MRPL52: variants seen among roughly 807,000 people sequenced by gnomAD.
MRPL52 encodes mitochondrial ribosomal protein L52, also known as large ribosomal subunit protein mL52.
Under a neutral mutation model 22.1 loss-of-function variants are expected in MRPL52, and 19 were observed. The observed-to-expected ratio is 0.86, with a 90% confidence interval of 0.60 to 1.26. The LOEUF is 1.26. MRPL52 is among the 50% of genes most tolerant of loss of function. The probability of loss-of-function intolerance (pLI) is 0.00; values close to 1 mark genes in which losing one functional copy is unlikely to be tolerated. For missense variants in MRPL52, 152 were observed against 148.1 expected, an observed-to-expected ratio of 1.03 and a Z score of -0.14; for synonymous variants, 50 against 57.5, an observed-to-expected ratio of 0.87 and a Z score of 0.59.
intron 4 of MRPL52, among the ~76,000 whole-genome samples, chr14:22,833,887 C>T (rs1044012629): frequency 6.6e-6 from 1 of 152,200 alleles, no homozygotes; most frequent in Non-Finnish European, 1.5e-5. Context: ...TCCCAAAGTG[C>T]TGGGATTACA....
intron 1 of MRPL52, 34 bp from the exon 2 acceptor site, chr14:22,830,019 C>T: frequency 1.2e-6 from 2 of 1,613,682 alleles, no homozygotes; most frequent in Non-Finnish European, 1.7e-6. Flanking sequence ...GGCTGCGCGG[C>T]CTCTCCCCCA....
chr14:22,830,774 A>G, intron 3 of MRPL52: 1 of 524,168 alleles, frequency 1.9e-6, no homozygotes, highest in Non-Finnish European at 3.4e-6. Flanking sequence ...GGAGAACCTT[A>G]GAGAAGTTGA....
At chr14:22,832,749 C>T (rs1164297978) in intron 3 of MRPL52, among the ~76,000 whole-genome samples, 4 of 151,978 alleles carry the variant, frequency 2.6e-5, no homozygotes, top group Admixed American at 6.6e-5. Flanking sequence ...TGTGGTGGTG[C>T]GCACCTGTAA....
Position 22,834,383 on chromosome 14 carries a change from C to G in MRPL52, c.*62C>G. ...GGATTTCTTTTCTATCACCTAGATG[C>G]TTCATCCAGCCAGAAGATAGCCTTC... On this transcript the variant is annotated 3_prime_UTR_variant, in exon 5 of 5. Transcript: ENST00000397496. 1 of 1,518,728 alleles carries G rather than the reference C, an allele frequency of 6.6e-7. No individual in the cohort carries two copies. The highest frequency in any genetic ancestry group is 8.8e-7 in the Non-Finnish European group (1 of 1,130,576). The allele number at this position is 1,518,728 out of a possible 1,614,324, so 94.1% of individuals were successfully genotyped here. A position where few individuals can be genotyped will look rare whatever the true frequency, so the allele number is the denominator to read the frequency against.
At position 22,829,922 on chromosome 14, in the gene MRPL52, T is replaced by G. The variant is rs765549282; in HGVS notation, c.10T>G (p.Leu4Val). 3 of 1,584,208 alleles carry G rather than the reference T, an allele frequency of 1.9e-6. No individual in the cohort carries two copies. Among genetic ancestry groups the G allele is most frequent in the Non-Finnish European group, 1.7e-6 (2 of 1,164,334 alleles). The change falls in exon 1 of 5, where the codon TTA becomes GTA. Residue 4 changes from leucine to valine, a missense_variant. Leu to Val is a conservative substitution (Grantham distance 32). Coordinates refer to ENST00000397496, the MANE Select transcript of MRPL52 (RefSeq NM_180982.3). MAA[L>V]GTVLFSVRRL... ...GCTACTCCTGCTCAGCATGGCTGCT[T>G]TAGGGACTGTTCTCTTCAGTGAGTG...
chr14:22,830,997 CTG>C, intron 3 of MRPL52: 1 of 1,529,790 alleles, frequency 6.5e-7, no homozygotes, highest in South Asian at 1.2e-5. Flanking sequence ...TAATTGGTGA[CTG>C]AGGAAGATGG....
At chr14:22,832,342 T>G (rs1241052560) in intron 3 of MRPL52, among the ~76,000 whole-genome samples, 2 of 152,004 alleles carry the variant, frequency 1.3e-5, no homozygotes, top group East Asian at 3.9e-4. Context: ...TGGTTTTTTT[T>G]GTTTTTTGTT....
rs36143447 is a variant in MRPL52 at position 22,831,106 on chromosome 14, CTTTTTTTT to C, written c.154+869_154+876del. The C allele has an allele frequency of 7.8e-5, 13 of 167,616 alleles. No homozygotes were observed. The East Asian group carries it at 8.5e-4, about 11-fold the overall frequency. The allele number at this position is 167,616 out of a possible 1,614,324, so 10.4% of individuals were successfully genotyped here. A position where few individuals can be genotyped will look rare whatever the true frequency, so the allele number is the denominator to read the frequency against. ...AAGACTCTGGAATTACATATGACTG[CTTTTTTTT>C]TTTTTTTTTTTTTTTTGAGATGGGG... On this transcript the variant is annotated intron_variant, in intron 3 of 4. Transcript: ENST00000397496.
Position 22,834,552 on chromosome 14 carries a change from T to A in MRPL52, c.*231T>A. On this transcript the variant is annotated 3_prime_UTR_variant, in exon 5 of 5. Coordinates refer to ENST00000397496, the MANE Select transcript of MRPL52 (RefSeq NM_180982.3). ...GTCTTGCTTTAAAATTTTTACCTCCTAGCTGGGTGCGGTGGCTCACGCCTG... is the reference window on the plus strand; with the variant it reads ...GTCTTGCTTTAAAATTTTTACCTCCAAGCTGGGTGCGGTGGCTCACGCCTG... 2.1e-6 allele frequency: 1 copy of A among 465,772 alleles called. No homozygotes were observed. The allele number at this position is 465,772 out of a possible 1,614,324, so 28.9% of individuals were successfully genotyped here. A position where few individuals can be genotyped will look rare whatever the true frequency, so the allele number is the denominator to read the frequency against.
chr14:22,831,473 T>C (rs2039617674), intron 3 of MRPL52: 1 of 153,394 alleles, frequency 6.5e-6, no homozygotes, highest in Admixed American at 6.5e-5. Flanking sequence ...CTTGGACAAA[T>C]TACTTAATTT....
At position 22,834,294 on chromosome 14, in the gene MRPL52, A is replaced by G; in HGVS notation, c.342A>G (p.Ser114=). The change falls in exon 5 of 5, where the codon TCA becomes TCG. Residue 114 remains serine, a synonymous_variant. Transcript: ENST00000397496. ...ATGCTCTTAAACCCAAAGGGGCTTC[A>G]CTGAAGAGCCCACTTCCAAGTCAAT... ...QENALKPKGA[S]LKSPLPSQ 1 of 1,613,854 alleles carries G rather than the reference A, an allele frequency of 6.2e-7. No individual in the cohort carries two copies. The highest frequency in any genetic ancestry group is 8.5e-7 in the Non-Finnish European group (1 of 1,179,930).
chr14:22,831,279 A>ATTT, intron 3 of MRPL52: 1 of 365,360 alleles, frequency 2.7e-6, no homozygotes, highest in Non-Finnish European at 4.9e-6. Context: ...TTCCTGGCTA[A>ATTT]TTTTTTTTTT....
intron 3 of MRPL52, chr14:22,831,053 T>C (rs1329968448): frequency 6.8e-7 from 1 of 1,469,350 alleles, no homozygotes; most frequent in East Asian, 2.6e-5. Context: ...AAGCCTGGCA[T>C]CTCCTTGTAG....
chr14:22,834,482 C>A lies in MRPL52; in HGVS notation c.*161C>A. On this transcript the variant is annotated 3_prime_UTR_variant, in exon 5 of 5. Transcript: ENST00000397496. The stretch of plus-strand genomic sequence containing the variant: ...AGCTGTTAGATCACTGCCTGGGAGG[C>A]TTGGCTTAGTACTCTCATCTCTGGT... The A allele has an allele frequency of 1.2e-6, 1 of 805,508 alleles. No individual in the cohort carries two copies. The highest frequency in any genetic ancestry group is 1.9e-6 in the Non-Finnish European group (1 of 519,520). 49.9% of individuals were successfully genotyped at this position (805,508 alleles called of 1,614,324 possible). A position where few individuals can be genotyped will look rare whatever the true frequency, so the allele number is the denominator to read the frequency against.
At chr14:22,833,334 C>T (rs2039664487) in intron 3 of MRPL52, 84 bp from the exon 4 acceptor site, 1 of 854,854 alleles carries the variant, frequency 1.2e-6, no homozygotes, top group Non-Finnish European at 2.0e-6. Flanking sequence ...GAGATTGGTT[C>T]TTCCCTTATT....
At chr14:22,830,313 C>A (rs780344416) in intron 3 of MRPL52, 59 bp downstream of exon 3, 15 of 1,578,854 alleles carry the variant, frequency 9.5e-6, no homozygotes, top group Non-Finnish European at 1.3e-5. Flanking sequence ...AGGGAACGCC[C>A]CTGGACGGGG....
rs761509232 is a variant in MRPL52 at position 22,834,288 on chromosome 14, G to A, written c.336G>A (p.Gly112=). 2.5e-6 allele frequency: 4 copies of A among 1,613,686 alleles called. No homozygotes were observed. The highest frequency in any genetic ancestry group is 3.4e-6 in the Non-Finnish European group (4 of 1,179,962). ...AGGAAAATGCTCTTAAACCCAAAGGGGCTTCACTGAAGAGCCCACTTCCAA... is the reference window on the plus strand; with the variant it reads ...AGGAAAATGCTCTTAAACCCAAAGGAGCTTCACTGAAGAGCCCACTTCCAA... The part of the protein sequence containing the change: ...RKQENALKPK[G]ASLKSPLPSQ Residue 112 remains glycine, a synonymous_variant, in exon 5 of 5, where the codon GGG becomes GGA. Transcript: ENST00000397496.
chr14:22,831,241 T>G, intron 3 of MRPL52: 1 of 488,398 alleles, frequency 2.0e-6, no homozygotes. Flanking sequence ...GCCCCCCAAG[T>G]AGGTGGGACC....
Position 22,834,268 on chromosome 14 carries a change from A to G in MRPL52, c.316A>G (p.Asn106Asp). 1 of 1,614,144 alleles carries G rather than the reference A, an allele frequency of 6.2e-7. No homozygotes were observed. Among genetic ancestry groups the G allele is most frequent in the South Asian group, 1.1e-5 (1 of 91,068 alleles). Reference protein sequence around the residue: ...KLQEEQRKQENALKPKGASLK... With the variant: ...KLQEEQRKQEDALKPKGASLK... ...GCAGGAAGAACAAAGGAAGCAGGAA[A>G]ATGCTCTTAAACCCAAAGGGGCTTC... The change falls in exon 5 of 5, where the codon AAT (asparagine) becomes GAT (aspartate). Residue 106 changes from asparagine (N) to aspartate (D), a missense_variant. Coordinates refer to ENST00000397496, the MANE Select transcript of MRPL52 (RefSeq NM_180982.3).
Sources: gnomAD v4.1 joint callset for allele counts (sites outside exome capture counted in the v4.1 genomes callset) on GRCh38, gnomAD v4.1.1 for gene constraint, MANE v1.5 for transcripts, NCBI Gene and HGNC (gene_info 2026-07-23, HGNC 2026-07-21) for gene names.